AOPEP: variants seen among roughly 807,000 people sequenced by gnomAD.
AOPEP encodes aminopeptidase O (putative).
AOPEP carries 77 observed loss-of-function variants against 98.1 expected under a neutral mutation model. That is an observed-to-expected ratio of 0.78 (90% confidence interval 0.65 to 0.95). The LOEUF is 0.95. Ranked by LOEUF, AOPEP falls within the 40% of genes least tolerant of loss-of-function variation. AOPEP has a pLI of 0.00. For synonymous variants in AOPEP, 346 were observed against 365.3 expected (o/e 0.95, Z 0.60); for missense variants, 1,024 against 1,024.7 (o/e 1.00, Z 0.01).
At chr9:94,887,110 G>A (rs950088285) in intron 5 of AOPEP, among the ~76,000 whole-genome samples, 2 of 152,060 alleles carry the variant, frequency 1.3e-5, no homozygotes, top group African/African-American at 4.8e-5. Flanking sequence ...GGAGGCCAAG[G>A]TGAGTGGATC....
chr9:94,747,975 C>A (rs1834896866), intron 1 of AOPEP, among the ~76,000 whole-genome samples: 1 of 152,092 alleles, frequency 6.6e-6, no homozygotes, highest in Non-Finnish European at 1.5e-5. Context: ...AAATTCCAAT[C>A]TTGAATAAAG....
At chr9:95,116,470 A>G in the AOPEP span, among the ~76,000 whole-genome samples, 1 of 152,160 alleles carries the variant, frequency 6.6e-6, no homozygotes, top group Non-Finnish European at 1.5e-5. Flanking sequence ...AATCATTTGC[A>G]TTTCTCAAAC....
At chr9:95,091,818 C>G (rs2070871035), downstream of AOPEP, among the ~76,000 whole-genome samples, 1 of 152,130 alleles carries the variant, frequency 6.6e-6, no homozygotes, top group Admixed American at 6.5e-5. Context: ...GGAAGGAAAC[C>G]ACCGTAAAGC....
chr9:95,121,275 A>G, the AOPEP span, among the ~76,000 whole-genome samples: 3 of 152,260 alleles, frequency 2.0e-5, no homozygotes, highest in Admixed American at 6.5e-5. Context: ...ATTTCTGCCT[A>G]CTGTCTGATA....
the AOPEP span, among the ~76,000 whole-genome samples, chr9:95,147,523 G>A: frequency 3.3e-5 from 5 of 151,946 alleles, no homozygotes; most frequent in Non-Finnish European, 7.4e-5. Flanking sequence ...TCTCAAAAAA[G>A]AAAAGAAAAG....
chr9:94,999,288 T>C (rs935805001), intron 11 of AOPEP, among the ~76,000 whole-genome samples: 1 of 151,784 alleles, frequency 6.6e-6, no homozygotes, highest in Admixed American at 6.6e-5. Flanking sequence ...AAAATAATGG[T>C]AGAAAAAAAA....
intron 13 of AOPEP, among the ~76,000 whole-genome samples, chr9:95,031,686 A>G (rs1242961761): frequency 6.6e-6 from 1 of 152,126 alleles, no homozygotes; most frequent in Non-Finnish European, 1.5e-5. Context: ...TGCACCTTAA[A>G]TCCTGTTCAA....
intron 5 of AOPEP, among the ~76,000 whole-genome samples, chr9:94,849,108 G>A (rs1253217025): frequency 1.3e-5 from 2 of 152,216 alleles, no homozygotes; most frequent in Non-Finnish European, 2.9e-5. Context: ...GGCATCCTGA[G>A]TTCAGAAATG....
At chr9:94,785,219 G>A (rs1198650685) in intron 3 of AOPEP, among the ~76,000 whole-genome samples, 1 of 152,248 alleles carries the variant, frequency 6.6e-6, no homozygotes, top group African/African-American at 2.4e-5. Context: ...ATAGGCGTGA[G>A]CCACTGCGCC....
At chr9:94,875,347 G>GAAAAAAAAAAAAAAAAA (rs71366265) in intron 5 of AOPEP, among the ~76,000 whole-genome samples, 3 of 71,526 alleles carry the variant, frequency 4.2e-5, no homozygotes, top group East Asian at 4.2e-4. Flanking sequence ...AATTGAGCAA[G>GAAAAAAAAAAAAAAAAA]AAAAAAAAAA....
In AOPEP at chr9:95,005,144, C is replaced by A; in HGVS notation, c.1978-14C>A. On this transcript the variant is annotated splice_polypyrimidine_tract_variant and intron_variant, in intron 11 of 16. Transcript: ENST00000375315. ...CTCCCGCGGTAAACTTGACTGTGTC[C>A]TCTTCCCCCGCAGCCGCTGCAGAGG... 1 of 1,139,116 alleles carries A rather than the reference C, an allele frequency of 8.8e-7. No individual in the cohort carries two copies. The highest frequency in any genetic ancestry group is 1.1e-6 in the Non-Finnish European group (1 of 926,510). 70.6% of individuals were successfully genotyped at this position (1,139,116 alleles called of 1,614,324 possible).
chr9:95,091,731 C>T (rs1328056253), downstream of AOPEP, among the ~76,000 whole-genome samples: 1 of 152,176 alleles, frequency 6.6e-6, no homozygotes, highest in Non-Finnish European at 1.5e-5. Context: ...GTCTGGGAGA[C>T]TGATCACCCG....
At chr9:95,092,260 T>TA in the AOPEP span, among the ~76,000 whole-genome samples, 27 of 152,052 alleles carry the variant, frequency 1.8e-4, no homozygotes, top group Admixed American at 1.6e-3. Context: ...CCCCAGGACT[T>TA]AAAGGGGGTG....
chr9:94,917,316 A>G (rs1280368344), intron 5 of AOPEP, among the ~76,000 whole-genome samples: 1 of 152,178 alleles, frequency 6.6e-6, no homozygotes, highest in Non-Finnish European at 1.5e-5. Context: ...GGTGGTCTCC[A>G]TGTTTTGTCG....
chr9:94,930,023 G>A lies in AOPEP; in HGVS notation c.1661+1492G>A, dbSNP rs2055037725. Among the ~76,000 whole-genome samples, 1 of 152,200 alleles carries A rather than the reference G, an allele frequency of 6.6e-6. No individual in the cohort carries two copies. Among genetic ancestry groups the A allele is most frequent in the Non-Finnish European group, 1.5e-5 (1 of 68,044 alleles). ...CACGAGTCTTTCCCCAAGTTCTTCA[G>A]AAGCTGCTCCAGGACCTTCAGCAGG... On this transcript the variant is annotated intron_variant, in intron 7 of 16. Coordinates refer to ENST00000375315, the MANE Select transcript of AOPEP (RefSeq NM_001193329.3). The surrounding 1 kb of genome is among the most constrained non-coding windows in gnomAD (Gnocchi z 4.5).
chr9:94,852,615 A>G (rs551987171), intron 5 of AOPEP, among the ~76,000 whole-genome samples: 1 of 152,374 alleles, frequency 6.6e-6, no homozygotes, highest in East Asian at 1.9e-4. Flanking sequence ...ATGTGGCTCA[A>G]AGACCACTGG....
At chr9:94,876,869 A>G (rs557078048) in intron 5 of AOPEP, among the ~76,000 whole-genome samples, 3 of 152,260 alleles carry the variant, frequency 2.0e-5, no homozygotes, top group African/African-American at 7.2e-5. Context: ...TTGAATGCAT[A>G]TATTGTTATC....
intron 5 of AOPEP, chr9:94,810,060 C>G: frequency 6.4e-6 from 1 of 156,112 alleles, no homozygotes; most frequent in African/African-American, 2.4e-5. Flanking sequence ...GCCGTCATGT[C>G]ACAGGTAAGA....
chr9:94,932,827 G>C, intron 7 of AOPEP: 1 of 985,330 alleles, frequency 1.0e-6, no homozygotes, highest in South Asian at 4.7e-5. Context: ...CTTTGTATCC[G>C]ATGTGTCTGA....
Sources: gnomAD v4.1 joint callset for allele counts (sites outside exome capture counted in the v4.1 genomes callset) on GRCh38, gnomAD v4.1.1 for gene constraint, Gnocchi (gnomAD v3.1) non-coding constraint, MANE v1.5 for transcripts, NCBI Gene and HGNC (gene_info 2026-07-23, HGNC 2026-07-21) for gene names.